Variants in CCDC171 observed in about 807,000 individuals in gnomAD.
CCDC171 encodes the protein coiled-coil domain containing 171.
A neutral mutation model predicts 168.2 loss-of-function variants in CCDC171; 177 were observed. The ratio of observed to expected loss-of-function variants is 1.05; its 90% CI spans 0.93 to 1.19. CCDC171 has a LOEUF of 1.19. Among genes scored for constraint, CCDC171 ranks in the 50% most tolerant of loss-of-function variants. The pLI is 0.00. For missense variants in CCDC171, 1,991 were observed against 1,539.0 expected, an observed-to-expected ratio of 1.29 and a Z score of -4.91; for synonymous variants, 687 against 540.8, an observed-to-expected ratio of 1.27 and a Z score of -3.75.
At chr9:15,592,108 T>A (rs1162659883) in intron 5 of CCDC171, among the ~76,000 whole-genome samples, 1 of 151,886 alleles carries the variant, frequency 6.6e-6, no homozygotes, top group African/African-American at 2.4e-5. Context: ...AAAAGGTAGA[T>A]TTTGAGTTGT....
chr9:16,090,869 T>G, the CCDC171 span, among the ~76,000 whole-genome samples: 18 of 152,216 alleles, frequency 1.2e-4, no homozygotes, highest in Non-Finnish European at 1.9e-4. Flanking sequence ...ATAGCATTCC[T>G]TTTAAGAGGG....
At chr9:15,813,620 GTGTA>G (rs2059445971) in intron 21 of CCDC171, among the ~76,000 whole-genome samples, 1 of 151,684 alleles carries the variant, frequency 6.6e-6, no homozygotes, top group South Asian at 2.1e-4. Flanking sequence ...GTGTGTGTGT[GTGTA>G]TATATATATA....
intron 2 of CCDC171, among the ~76,000 whole-genome samples, chr9:15,570,528 T>C (rs1372938937): frequency 6.6e-6 from 1 of 152,212 alleles, no homozygotes; most frequent in African/African-American, 2.4e-5. Flanking sequence ...TGTCTGCTTA[T>C]ATTGAAAAGT....
chr9:15,799,010 T>C (rs1331418844), intron 21 of CCDC171, among the ~76,000 whole-genome samples: 1 of 151,502 alleles, frequency 6.6e-6, no homozygotes, highest in African/African-American at 2.4e-5. Context: ...TGTGTTGTTG[T>C]CATAGATTTC....
intron 6 of CCDC171, among the ~76,000 whole-genome samples, chr9:15,610,444 T>TGAAAAAAAAAAA (rs1564043775): frequency 7.9e-5 from 1 of 12,700 alleles, no homozygotes. Context: ...CCATCTCAAC[T>TGAAAAAAAAAAA]AAAAAAAAAA....
chr9:15,646,857 A>T (rs993830543), intron 7 of CCDC171, among the ~76,000 whole-genome samples: 3 of 152,208 alleles, frequency 2.0e-5, no homozygotes, highest in Non-Finnish European at 4.4e-5. Context: ...CAGAAAGTTA[A>T]CAAGGATATC....
At chr9:15,925,278 C>A (rs1213283893) in intron 25 of CCDC171, among the ~76,000 whole-genome samples, 1 of 151,522 alleles carries the variant, frequency 6.6e-6, no homozygotes, top group Admixed American at 6.6e-5. Flanking sequence ...GATGCTTGAG[C>A]TAGTGACTGA....
At chr9:15,647,176 A>G (rs1314572895) in intron 7 of CCDC171, among the ~76,000 whole-genome samples, 2 of 152,256 alleles carry the variant, frequency 1.3e-5, no homozygotes, top group African/African-American at 2.4e-5. Context: ...AAATGAAGGC[A>G]GAAATAAAGA....
intron 9 of CCDC171, among the ~76,000 whole-genome samples, chr9:15,674,862 G>T (rs2049401796): frequency 6.6e-6 from 1 of 152,170 alleles, no homozygotes; most frequent in South Asian, 2.1e-4. Context: ...GAGTTCTGTA[G>T]ATGTCTGTTA....
At chr9:15,731,665 A>G (rs910345279) in intron 16 of CCDC171, among the ~76,000 whole-genome samples, 2 of 152,090 alleles carry the variant, frequency 1.3e-5, no homozygotes, top group Non-Finnish European at 2.9e-5. Flanking sequence ...CACAAACATT[A>G]TTGTACAAGT....
In CCDC171 at chr9:15,744,712, G is replaced by C. The variant is rs778420281; in HGVS notation, c.2489G>C (p.Ser830Thr). The C allele has an allele frequency of 6.2e-7, 1 of 1,613,998 alleles. No homozygotes were observed. Among genetic ancestry groups the C allele is most frequent in the Non-Finnish European group, 8.5e-7 (1 of 1,180,028 alleles). Residue 830 changes from serine (S) to threonine (T), a missense_variant, in exon 17 of 26, where the codon AGT (serine) becomes ACT (threonine). Ser to Thr is a moderately conservative substitution (Grantham distance 58). Coordinates refer to ENST00000380701, the MANE Select transcript of CCDC171 (RefSeq NM_173550.4). ...SCASLFTWME[S>T]FKEGIGMLVC... is the part of the protein sequence containing the mutation. ...GCCTCTCTTTTTACCTGGATGGAGA[G>C]TTTCAAAGAAGGCATAGGCATGTTA...
intron 7 of CCDC171, among the ~76,000 whole-genome samples, chr9:15,631,977 A>C (rs1221058549): frequency 6.6e-6 from 1 of 152,202 alleles, no homozygotes; most frequent in Non-Finnish European, 1.5e-5. Context: ...ACAACCCTTC[A>C]TGCTAAAAAC....
intron 9 of CCDC171, among the ~76,000 whole-genome samples, chr9:15,666,851 C>G (rs936962154): frequency 1.3e-5 from 2 of 152,154 alleles, no homozygotes; most frequent in African/African-American, 4.8e-5. Flanking sequence ...TAATATTTGA[C>G]ATTTTCTCAA....
chr9:15,609,209 C>T (rs1379116543), intron 6 of CCDC171, among the ~76,000 whole-genome samples: 1 of 151,724 alleles, frequency 6.6e-6, no homozygotes, highest in Non-Finnish European at 1.5e-5. Flanking sequence ...AAGCGATTCT[C>T]CTGCCTCAGC....
intron 25 of CCDC171, among the ~76,000 whole-genome samples, chr9:15,947,997 C>G (rs1302348215): frequency 6.6e-6 from 1 of 150,440 alleles, no homozygotes; most frequent in Non-Finnish European, 1.5e-5. Flanking sequence ...CACAACAGTC[C>G]CCACAGTGTG....
intron 11 of CCDC171, among the ~76,000 whole-genome samples, chr9:15,702,242 C>T (rs1405338858): frequency 1.3e-5 from 2 of 152,088 alleles, no homozygotes; most frequent in Non-Finnish European, 2.9e-5. Flanking sequence ...TCCAACTTGT[C>T]ATCCAAGTTG....
At chr9:15,833,701 A>G (rs542592399) in intron 21 of CCDC171, among the ~76,000 whole-genome samples, 1 of 152,338 alleles carries the variant, frequency 6.6e-6, no homozygotes, top group East Asian at 1.9e-4. Flanking sequence ...AAATTTTGTT[A>G]GCATTTGTCC....
intron 7 of CCDC171, among the ~76,000 whole-genome samples, chr9:15,636,494 A>G (rs2046209529): frequency 6.6e-6 from 1 of 152,208 alleles, no homozygotes; most frequent in East Asian, 1.9e-4. Flanking sequence ...CATGCCTGTA[A>G]TCCCAGCACT....
chr9:16,106,940 C>T, the CCDC171 span, among the ~76,000 whole-genome samples: 3 of 152,126 alleles, frequency 2.0e-5, no homozygotes, highest in Non-Finnish European at 2.9e-5. Context: ...CCTGCAAAAC[C>T]GGGGGACCCA....
Sources: gnomAD v4.1 joint callset for allele counts (sites outside exome capture counted in the v4.1 genomes callset) on GRCh38, gnomAD v4.1.1 for gene constraint, MANE v1.5 for transcripts, NCBI Gene and HGNC (gene_info 2026-07-23, HGNC 2026-07-21) for gene names.